MCF2L2: variants seen among roughly 807,000 people sequenced by gnomAD.
MCF2L2 encodes the protein MCF.2 cell line derived transforming sequence-like 2, also known as probable guanine nucleotide exchange factor MCF2L2.
A neutral mutation model predicts 150.2 loss-of-function variants in MCF2L2; 102 were observed. The observed-to-expected ratio is 0.68, with a 90% CI of 0.58 to 0.80. MCF2L2 has a LOEUF of 0.80. Ranked by LOEUF, MCF2L2 falls within the 30% of genes least tolerant of loss-of-function variation. The pLI, the probability that MCF2L2 is intolerant of heterozygous loss-of-function variation, is 0.00. For missense variants in MCF2L2, 1,256 were observed against 1,372.8 expected (o/e 0.91, Z 1.34); for synonymous variants, 465 against 491.3 (o/e 0.95, Z 0.71).
At chr3:183,209,779 G>T (rs562269540) in intron 22 of MCF2L2, among the ~76,000 whole-genome samples, 1 of 152,210 alleles carries the variant, frequency 6.6e-6, no homozygotes, top group South Asian at 2.1e-4. Context: ...ATAAGCCACT[G>T]CTCCCGGCCT....
chr3:183,184,681 C>T (rs1019526694), intron 27 of MCF2L2, among the ~76,000 whole-genome samples: 3 of 152,132 alleles, frequency 2.0e-5, no homozygotes, highest in African/African-American at 7.2e-5. Context: ...AATTTATTAA[C>T]AAGTGAACCT....
chr3:183,259,970 T>TGTGGGTTG (rs1725436216), intron 15 of MCF2L2, among the ~76,000 whole-genome samples: 1 of 152,076 alleles, frequency 6.6e-6, no homozygotes, highest in East Asian at 1.9e-4. Flanking sequence ...TGAAGCAAAT[T>TGTGGGTTG]CTCATCCATC....
In MCF2L2 at chr3:183,328,236, T is replaced by C. The variant is rs182323248; in HGVS notation, c.487-4885A>G. 2.1e-3 allele frequency among the ~76,000 whole-genome samples: 323 copies of C among 152,334 alleles called. 1 individual carries two copies. Among genetic ancestry groups the C allele is most frequent in the African/African-American group, 7.2e-3 (301 of 41,574 alleles). ...CATTCATCTGGCTGTTCCTGAGTTA[T>C]ATCCTTTATGATAAACCAGTAAACA... is the stretch of plus-strand genomic sequence containing the variant. On this transcript the variant is annotated intron_variant, in intron 5 of 29. Coordinates refer to ENST00000328913, the MANE Select transcript of MCF2L2 (RefSeq NM_015078.4).
intron 2 of MCF2L2, among the ~76,000 whole-genome samples, chr3:183,384,917 A>G (rs1444365059): frequency 6.6e-6 from 1 of 152,170 alleles, no homozygotes; most frequent in Non-Finnish European, 1.5e-5. Context: ...GGCAATACAA[A>G]TCATTTGTTA....
In MCF2L2 at chr3:183,180,089, C is replaced by G. The variant is rs778653217; in HGVS notation, c.3087G>C (p.Lys1029Asn). ...TAATTACACTCAGAGCACTGCTCTC[C>G]TTTTCCATGTCTTCTGCGCCTTCAC... Reference protein sequence around the residue: ...EDCEGAEDMEKESSALSLAGL... With the variant: ...EDCEGAEDMENESSALSLAGL... Residue 1029 changes from lysine to asparagine, a missense_variant, in exon 28 of 30, where the codon AAG (lysine) becomes AAC (asparagine). Coordinates refer to ENST00000328913, the MANE Select transcript of MCF2L2 (RefSeq NM_015078.4). The G allele has an allele frequency of 1.2e-6, 2 of 1,613,818 alleles. No homozygotes were observed. Among genetic ancestry groups the G allele is most frequent in the Non-Finnish European group, 1.7e-6 (2 of 1,179,806 alleles).
At chr3:183,271,009 T>C (rs1409507486) in intron 15 of MCF2L2, 23 of 1,362,262 alleles carry the variant, frequency 1.7e-5, no homozygotes, top group Admixed American at 2.5e-5. Flanking sequence ...AATGTTCGTC[T>C]ATACCCTAAG....
At chr3:183,183,170 A>AT (rs1246980556) in intron 27 of MCF2L2, among the ~76,000 whole-genome samples, 1 of 151,896 alleles carries the variant, frequency 6.6e-6, no homozygotes, top group Non-Finnish European at 1.5e-5. Context: ...TAATTTTTGT[A>AT]TTTTTTGGTA....
In MCF2L2 at chr3:183,273,006, AGAAG is replaced by A. The variant is rs1384650567; in HGVS notation, c.1862+3862_1862+3865del. On this transcript the variant is annotated intron_variant, in intron 15 of 29. Coordinates refer to ENST00000328913, the MANE Select transcript of MCF2L2 (RefSeq NM_015078.4). ...TATGAAGGCACTTCCTTTTTTTCTA[AGAAG>A]GAAGTTGCTAGATGATTCCTTCATC... 6.1e-6 allele frequency: 9 copies of A among 1,479,322 alleles called. No homozygotes were observed. The South Asian group carries it at 1.3e-4, about 21-fold the overall frequency. The allele number at this position is 1,479,322 out of a possible 1,614,324, so 91.6% of individuals were successfully genotyped here.
At chr3:183,339,678 C>A (rs1338306732) in intron 4 of MCF2L2, among the ~76,000 whole-genome samples, 1 of 152,148 alleles carries the variant, frequency 6.6e-6, no homozygotes, top group Non-Finnish European at 1.5e-5. Flanking sequence ...TGCTTCGGGG[C>A]AGACTTAGGA....
intron 1 of MCF2L2, among the ~76,000 whole-genome samples, chr3:183,423,041 G>A (rs1715964444): frequency 6.6e-6 from 1 of 152,054 alleles, no homozygotes; most frequent in South Asian, 2.1e-4. Flanking sequence ...TTTTTTTAGG[G>A]TTCAAACATT....
chr3:183,366,016 GA>G (rs573572428), intron 3 of MCF2L2, among the ~76,000 whole-genome samples: 2,987 of 151,682 alleles, frequency 0.02, 85 homozygotes, highest in African/African-American at 0.066. Flanking sequence ...AATAGAAACA[GA>G]AACAGAAAAT....
chr3:183,205,956 T>C lies in MCF2L2; in HGVS notation c.2806-2A>G, dbSNP rs1231520424. On this transcript the variant is annotated splice_acceptor_variant, in intron 24 of 29. Transcript: ENST00000328913. LOFTEE classifies it high-confidence loss of function. ...GTCTCTGATTTCTTTTGAAGCTGCC[T>C]GCAATCACACATAAGAAAACACTAT... The C allele has an allele frequency of 1.2e-6, 2 of 1,613,000 alleles. No homozygotes were observed. Among genetic ancestry groups the C allele is most frequent in the Non-Finnish European group, 1.7e-6 (2 of 1,178,966 alleles).
At chr3:183,426,108 T>C (rs1010993287) in intron 1 of MCF2L2, among the ~76,000 whole-genome samples, 3 of 152,078 alleles carry the variant, frequency 2.0e-5, no homozygotes, top group African/African-American at 7.3e-5. Flanking sequence ...CAAGGGTCAT[T>C]AGAGGTTGAA....
intron 3 of MCF2L2, among the ~76,000 whole-genome samples, chr3:183,361,368 T>C (rs942554924): frequency 2.0e-5 from 3 of 152,216 alleles, no homozygotes; most frequent in African/African-American, 7.2e-5. Context: ...CTAAATCTCA[T>C]GTGGAATTGT....
chr3:183,206,206 T>C lies in MCF2L2; in HGVS notation c.2721A>G (p.Thr907=), dbSNP rs1345167616. ...CCCTTCCAAGCTGGCGAATTGAAAG[T>C]GTCATCAGCTATTATAAAGAGGGAA... ...YSFKKTMKLM[T]LSIRQLGRGS... The change falls in exon 24 of 30, where the codon ACA becomes ACG. Residue 907 remains threonine (T), a synonymous_variant. Transcript: ENST00000328913. 7 of 1,613,044 alleles carry C rather than the reference T, an allele frequency of 4.3e-6. No homozygotes were observed. The South Asian group carries it at 6.6e-5, about 15-fold the overall frequency.
rs534363887 is a variant in MCF2L2 at position 183,250,497 on chromosome 3, G to A, written c.1863-19480C>T. Among the ~76,000 whole-genome samples, 10 of 151,958 alleles carry A rather than the reference G, an allele frequency of 6.6e-5. No individual in the cohort carries two copies. The East Asian group carries it at 1.9e-3, about 29-fold the overall frequency. ...AGCTACTCGGGAGGCTGAGGCAGGA[G>A]AGTCACTTGAACCCGGGAGGCAGAG... is the stretch of plus-strand genomic sequence containing the variant. On this transcript the variant is annotated intron_variant, in intron 15 of 29. Transcript: ENST00000328913.
Position 183,359,130 on chromosome 3 carries a change from T to G in MCF2L2, c.276-17500A>C, listed in dbSNP as rs137924791. ...TGCCAGAATAAGCCTGGGATGCTGATGAAATATCACTGTTTTGCACTATTC... is the reference window on the plus strand; with the variant it reads ...TGCCAGAATAAGCCTGGGATGCTGAGGAAATATCACTGTTTTGCACTATTC... On this transcript the variant is annotated intron_variant, in intron 3 of 29. Coordinates refer to ENST00000328913, the MANE Select transcript of MCF2L2 (RefSeq NM_015078.4). 7.2e-3 allele frequency among the ~76,000 whole-genome samples: 1,099 copies of G among 152,252 alleles called. 7 individuals are homozygous for G. Among genetic ancestry groups the G allele is most frequent in the African/African-American group, 0.025 (1,025 of 41,522 alleles).
intron 3 of MCF2L2, among the ~76,000 whole-genome samples, chr3:183,351,215 TATATATATATATATATATA>T (rs1560034919): frequency 1.3e-4 from 12 of 90,428 alleles, no homozygotes; most frequent in East Asian, 8.4e-4. Context: ...TATATATATA[TATATATATATATATATATA>T]TATTTATTTA....
At chr3:183,206,983 GAGGGAGGAAGGAAGGGAGGGAGGA>G (rs1560341364) in intron 23 of MCF2L2, among the ~76,000 whole-genome samples, 3 of 58,858 alleles carry the variant, frequency 5.1e-5, no homozygotes, top group Non-Finnish European at 7.6e-5. Flanking sequence ...GGGAGGGAGG[GAGGGAGGAAGGAAGGGAGGGAGGA>G]AGGAAGGAAG....
Sources: gnomAD v4.1 joint callset for allele counts (sites outside exome capture counted in the v4.1 genomes callset) on GRCh38, gnomAD v4.1.1 for gene constraint, MANE v1.5 for transcripts, NCBI Gene and HGNC (gene_info 2026-07-23, HGNC 2026-07-21) for gene names.